Variants in ENAH observed in about 807,000 individuals in gnomAD.
ENAH encodes protein enabled homolog.
A neutral mutation model predicts 78.7 loss-of-function variants in ENAH; 23 were observed. The observed-to-expected ratio is 0.29, with a 90% CI of 0.21 to 0.41. The LOEUF (loss-of-function observed/expected upper bound fraction) is 0.41, where lower values mean the gene tolerates loss of function less well. Ranked by LOEUF, ENAH falls within the 10% of genes least tolerant of loss-of-function variation. ENAH has a pLI of 1.00. For missense variants in ENAH, 544 were observed against 691.0 expected (o/e 0.79, Z 2.39); for synonymous variants, 226 against 241.0 (o/e 0.94, Z 0.58).
chr1:225,642,835 TAAAC>T (rs781698746), intron 1 of ENAH, among the ~76,000 whole-genome samples: 6 of 152,070 alleles, frequency 3.9e-5, no homozygotes, highest in Non-Finnish European at 8.8e-5. Flanking sequence ...AGCTGTCCAA[TAAAC>T]AAACAAAGAG....
At chr1:225,507,910 T>A (rs1272559132) in intron 11 of ENAH, 41 bp downstream of exon 11, 5 of 1,393,604 alleles carry the variant, frequency 3.6e-6, no homozygotes, top group South Asian at 1.4e-5. Flanking sequence ...AATTTTTTTT[T>A]ATACAAATAA....
chr1:225,516,363 G>C (rs887555151), intron 6 of ENAH, among the ~76,000 whole-genome samples: 8 of 152,134 alleles, frequency 5.3e-5, no homozygotes, highest in African/African-American at 1.9e-4. Flanking sequence ...ACCTATCCTG[G>C]AAGTCCAACA....
intron 3 of ENAH, among the ~76,000 whole-genome samples, chr1:225,543,698 C>T (rs996012271): frequency 6.6e-6 from 1 of 152,132 alleles, no homozygotes; most frequent in Non-Finnish European, 1.5e-5. Context: ...TAACATAGTA[C>T]CTTAACAGGA....
chr1:225,608,743 G>A (rs2096970928), intron 1 of ENAH, among the ~76,000 whole-genome samples: 2 of 149,240 alleles, frequency 1.3e-5, no homozygotes, highest in African/African-American at 5.0e-5. Context: ...TTGAACCCGG[G>A]AGGCGGAGGT....
Position 225,497,602 on chromosome 1 carries a change from CCA to C in ENAH, c.*171_*172del. 4.1e-6 allele frequency: 2 copies of C among 483,180 alleles called. No individual in the cohort carries two copies. The highest frequency in any genetic ancestry group is 7.3e-6 in the Non-Finnish European group (2 of 272,726). The allele number at this position is 483,180 out of a possible 1,614,324, so 29.9% of individuals were successfully genotyped here. On this transcript the variant is annotated 3_prime_UTR_variant, in exon 14 of 14. Coordinates refer to ENST00000366843, the MANE Select transcript of ENAH (RefSeq NM_018212.6). ...AAACGGAGAGGGAAAGAGCTTATCACCAGAGTCATAATGTCTGAAGGCTTTCA... is the reference window on the plus strand; with the variant it reads ...AAACGGAGAGGGAAAGAGCTTATCACGAGTCATAATGTCTGAAGGCTTTCA...
intron 1 of ENAH, among the ~76,000 whole-genome samples, chr1:225,594,203 C>A (rs1199778642): frequency 6.6e-6 from 1 of 152,166 alleles, no homozygotes; most frequent in Non-Finnish European, 1.5e-5. Context: ...AAGTGACAGG[C>A]ACATGCAATA....
intron 1 of ENAH, among the ~76,000 whole-genome samples, chr1:225,584,288 G>A (rs2096834681): frequency 6.6e-6 from 1 of 152,170 alleles, no homozygotes; most frequent in South Asian, 2.1e-4. Flanking sequence ...AACAAACTGG[G>A]GGGAACAAAC....
chr1:225,636,832 T>C (rs940918379), intron 1 of ENAH, among the ~76,000 whole-genome samples: 2 of 151,946 alleles, frequency 1.3e-5, no homozygotes, highest in Non-Finnish European at 2.9e-5. Context: ...TTATACTCCG[T>C]TTTTTTAAGG....
intron 1 of ENAH, among the ~76,000 whole-genome samples, chr1:225,570,223 C>A (rs2096754362): frequency 6.6e-6 from 1 of 151,670 alleles, no homozygotes; most frequent in Non-Finnish European, 1.5e-5. Flanking sequence ...CATCAAGGCC[C>A]AGCCAGGAAA....
At chr1:225,619,061 GATAA>G (rs1298459435) in intron 1 of ENAH, among the ~76,000 whole-genome samples, 6 of 152,062 alleles carry the variant, frequency 3.9e-5, no homozygotes, top group African/African-American at 9.7e-5. Flanking sequence ...TAAGGCCTGT[GATAA>G]ATAAATACAC....
In ENAH at chr1:225,635,754, T is replaced by C. The variant is rs550707270; in HGVS notation, c.5+16932A>G. ...TAATCCAATATGGCTGGTGTCTTTA[T>C]AAGAGGAAGAAAACATCAACTGAAG... On this transcript the variant is annotated intron_variant, in intron 1 of 13. Transcript: ENST00000366843. 3.9e-5 allele frequency among the ~76,000 whole-genome samples: 6 copies of C among 152,216 alleles called. No individual in the cohort carries two copies. In the East Asian group the frequency reaches 1.2e-3, roughly 29 times the overall value.
chr1:225,625,964 T>C (rs1261902368), intron 1 of ENAH, among the ~76,000 whole-genome samples: 1 of 152,182 alleles, frequency 6.6e-6, no homozygotes, highest in African/African-American at 2.4e-5. Context: ...TCATCCCCCA[T>C]TAAAGAAGAA....
At chr1:225,585,377 C>T (rs1249847404) in intron 1 of ENAH, among the ~76,000 whole-genome samples, 1 of 151,998 alleles carries the variant, frequency 6.6e-6, no homozygotes, top group Non-Finnish European at 1.5e-5. Flanking sequence ...AGGTTATTAA[C>T]CACTTTGACT....
At chr1:225,593,400 T>TGGGGG (rs1456095465) in intron 1 of ENAH, among the ~76,000 whole-genome samples, 2 of 20,458 alleles carry the variant, frequency 9.8e-5, no homozygotes, top group African/African-American at 2.1e-4. Flanking sequence ...TGTGTGTGTG[T>TGGGGG]GGGGGGGGGG....
At chr1:225,561,723 A>G (rs1231673924) in intron 2 of ENAH, among the ~76,000 whole-genome samples, 1 of 152,170 alleles carries the variant, frequency 6.6e-6, no homozygotes, top group South Asian at 2.1e-4. Flanking sequence ...GGTTTGGACT[A>G]CATCATAATC....
At chr1:225,507,595 G>T (rs1446273606) in intron 11 of ENAH, among the ~76,000 whole-genome samples, 1 of 151,996 alleles carries the variant, frequency 6.6e-6, no homozygotes, top group Admixed American at 6.6e-5. Flanking sequence ...AAGACAAGTG[G>T]GGCAAAATGT....
At chr1:225,611,738 G>C (rs1467553131) in intron 1 of ENAH, among the ~76,000 whole-genome samples, 2 of 152,108 alleles carry the variant, frequency 1.3e-5, no homozygotes, top group Non-Finnish European at 2.9e-5. Context: ...AGTGAGCTGT[G>C]TTCACACCAC....
chr1:225,495,359 T>C lies in ENAH; in HGVS notation c.*2416A>G, dbSNP rs377526586. ...ATCTCTAATAATGACACAACTGTCA[T>C]GTATGATAGCAAATGTATATAATAA... On this transcript the variant is annotated 3_prime_UTR_variant, in exon 14 of 14. Coordinates refer to ENST00000366843, the MANE Select transcript of ENAH (RefSeq NM_018212.6). The C allele has an allele frequency of 2.3e-4, 35 of 152,612 alleles. No homozygotes were observed. The highest frequency in any genetic ancestry group is 2.3e-3 in the South Asian group (11 of 4,820). The allele number at this position is 152,612 out of a possible 1,614,324, so 9.5% of individuals were successfully genotyped here. A position where few individuals can be genotyped will look rare whatever the true frequency, so the allele number is the denominator to read the frequency against.
chr1:225,517,792 C>T (rs1558740059), intron 5 of ENAH: 6 of 1,551,036 alleles, frequency 3.9e-6, no homozygotes, highest in Middle Eastern at 1.7e-4. Flanking sequence ...TGTTGCAAAA[C>T]GTGTCGCTGA....
Sources: allele counts gnomAD v4.1 joint callset (sites outside exome capture counted in the v4.1 genomes callset), GRCh38; gene constraint gnomAD v4.1.1; transcripts MANE v1.5; gene names NCBI Gene and HGNC (gene_info 2026-07-23, HGNC 2026-07-21).